Variants in EXT1 observed in about 807,000 individuals in gnomAD.
EXT1 encodes exostosin glycosyltransferase 1.
EXT1 carries 20 observed loss-of-function variants against 82.5 expected under a neutral mutation model. The observed-to-expected ratio is 0.24, with a 90% CI of 0.17 to 0.35. The LOEUF (loss-of-function observed/expected upper bound fraction) is 0.35, where lower values mean the gene tolerates loss of function less well. EXT1 is among the 10% of genes least tolerant of loss of function. The pLI is 1.00. For missense variants in EXT1, 757 were observed against 936.5 expected, an observed-to-expected ratio of 0.81 and a Z score of 2.50; for synonymous variants, 348 against 350.8, an observed-to-expected ratio of 0.99 and a Z score of 0.09.
At chr8:117,995,232 C>T (rs981174254) in intron 1 of EXT1, among the ~76,000 whole-genome samples, 4 of 152,202 alleles carry the variant, frequency 2.6e-5, no homozygotes, top group African/African-American at 9.7e-5. Flanking sequence ...CACTCTAGCT[C>T]AGCAACCCAG....
At chr8:117,849,483 G>A (rs890110297) in intron 1 of EXT1, among the ~76,000 whole-genome samples, 1 of 152,214 alleles carries the variant, frequency 6.6e-6, no homozygotes, top group Non-Finnish European at 1.5e-5. Context: ...GTCATAAAGT[G>A]TCTGAACTGC....
Position 117,975,635 on chromosome 8 carries a change from C to A in EXT1, c.962+134450G>T, listed in dbSNP as rs567346440. Reference sequence around the variant, plus strand: ...CCTTCCTCCCCTCTAACATGCGGGGCAATGCTTGCTTAAAGGACATTGCAA... The same window carrying A: ...CCTTCCTCCCCTCTAACATGCGGGGAAATGCTTGCTTAAAGGACATTGCAA... On this transcript the variant is annotated intron_variant, in intron 1 of 10. Coordinates refer to ENST00000378204, the MANE Select transcript of EXT1 (RefSeq NM_000127.3). 2.5e-4 allele frequency among the ~76,000 whole-genome samples: 38 copies of A among 152,268 alleles called. No homozygotes were observed. In the South Asian group the frequency reaches 7.7e-3, roughly 31 times the overall value.
intron 1 of EXT1, among the ~76,000 whole-genome samples, chr8:117,880,719 T>G (rs1281258724): frequency 6.6e-6 from 1 of 151,464 alleles, no homozygotes; most frequent in African/African-American, 2.4e-5. Flanking sequence ...GCCTCCCGAG[T>G]AGGTGGGACT....
chr8:117,861,360 A>G (rs1158380110), intron 1 of EXT1, among the ~76,000 whole-genome samples: 1 of 152,254 alleles, frequency 6.6e-6, no homozygotes, highest in Non-Finnish European at 1.5e-5. Flanking sequence ...ATTATGTTTA[A>G]GTAAGCCAAT....
chr8:117,961,665 T>C (rs1347457000), intron 1 of EXT1, among the ~76,000 whole-genome samples: 2 of 152,256 alleles, frequency 1.3e-5, no homozygotes, highest in Non-Finnish European at 2.9e-5. Flanking sequence ...GATTCAGCTA[T>C]ATGCTGTTAA....
chr8:118,057,740 G>A (rs59103602), intron 1 of EXT1, among the ~76,000 whole-genome samples: 7,784 of 151,820 alleles, frequency 0.051, 634 homozygotes, highest in African/African-American at 0.18. Context: ...TTGGGAGGCC[G>A]AGGCGGGAGG....
At chr8:117,902,275 G>C (rs1218334020) in intron 1 of EXT1, among the ~76,000 whole-genome samples, 1 of 152,040 alleles carries the variant, frequency 6.6e-6, no homozygotes, top group Non-Finnish European at 1.5e-5. Context: ...TAAGTAGAAT[G>C]AGTGCACTCT....
At chr8:117,902,449 C>T (rs375547261) in intron 1 of EXT1, among the ~76,000 whole-genome samples, 5 of 152,264 alleles carry the variant, frequency 3.3e-5, no homozygotes, top group Middle Eastern at 3.4e-3. Flanking sequence ...ACCACAAATG[C>T]GTGAGTAATG....
At chr8:118,033,696 T>C (rs1470596901) in intron 1 of EXT1, among the ~76,000 whole-genome samples, 1 of 151,940 alleles carries the variant, frequency 6.6e-6, no homozygotes, top group Non-Finnish European at 1.5e-5. Flanking sequence ...CCCTGATTGG[T>C]CTCCAACTCC....
rs150689136 is a variant in EXT1 at position 117,913,991 on chromosome 8, C to T, written c.963-76790G>A. Among the ~76,000 whole-genome samples, 210 of 152,270 alleles carry T rather than the reference C, an allele frequency of 1.4e-3. 1 individual carries two copies. The highest frequency in any genetic ancestry group is 4.9e-3 in the African/African-American group (202 of 41,554). On this transcript the variant is annotated intron_variant, in intron 1 of 10. Transcript: ENST00000378204. ...AGCTGTGTCAACATTAAAGCTGGGA[C>T]TGGACTTCCAATCTGAGGACCCAGA... is the stretch of plus-strand genomic sequence containing the variant.
intron 1 of EXT1, among the ~76,000 whole-genome samples, chr8:117,902,838 C>T (rs537597415): frequency 6.6e-6 from 1 of 152,280 alleles, no homozygotes; most frequent in Admixed American, 6.5e-5. Flanking sequence ...GAATCCTTAT[C>T]GTTGTCAGAC....
intron 1 of EXT1, among the ~76,000 whole-genome samples, chr8:118,029,880 A>T (rs1816276327): frequency 6.6e-6 from 1 of 152,198 alleles, no homozygotes. Flanking sequence ...ATATTTTCCC[A>T]CAAGTATTTG....
intron 9 of EXT1, 52 bp downstream of exon 9, chr8:117,807,165 C>A (rs1038758005): frequency 2.4e-5 from 39 of 1,607,746 alleles, no homozygotes; most frequent in South Asian, 5.5e-5. Flanking sequence ...TATGCAGCAG[C>A]CAATATAAAA....
chr8:118,047,359 A>G (rs1816639070), intron 1 of EXT1, among the ~76,000 whole-genome samples: 1 of 152,202 alleles, frequency 6.6e-6, no homozygotes, highest in Non-Finnish European at 1.5e-5. Context: ...CCTTTCGTGT[A>G]AAATGGAAAT....
At chr8:117,919,894 C>T (rs925118451) in intron 1 of EXT1, among the ~76,000 whole-genome samples, 4 of 152,090 alleles carry the variant, frequency 2.6e-5, no homozygotes, top group South Asian at 2.1e-4. Context: ...TCAGATAATA[C>T]ATTACAAACA....
intron 1 of EXT1, among the ~76,000 whole-genome samples, chr8:117,869,619 A>C (rs1402081874): frequency 6.7e-6 from 1 of 150,194 alleles, no homozygotes; most frequent in African/African-American, 2.4e-5. Context: ...CATTCTCAAT[A>C]TAACTTATCA....
chr8:117,841,520 T>C (rs1206688960), intron 1 of EXT1, among the ~76,000 whole-genome samples: 1 of 152,134 alleles, frequency 6.6e-6, no homozygotes. Flanking sequence ...CACACACTAC[T>C]TAAAAGAAAC....
rs756241676 is a variant in EXT1, at chr8:118,110,043, C to A, written c.962+42G>T. 1.4e-5 allele frequency: 23 copies of A among 1,612,664 alleles called. No individual in the cohort carries two copies. In the East Asian group the frequency reaches 4.9e-4, roughly 34 times the overall value. On this transcript the variant is annotated intron_variant, in intron 1 of 10. Transcript: ENST00000378204. ...CACACCTGGACCAAGGCCGGCAGAG[C>A]CCAAGGCTGACTCCCAAAGACACGC...
chr8:117,817,396 T>C (rs767654692), intron 7 of EXT1, among the ~76,000 whole-genome samples: 6 of 152,152 alleles, frequency 3.9e-5, no homozygotes, highest in Non-Finnish European at 7.3e-5. Flanking sequence ...GCCACTCTCT[T>C]ATGACCTGAC....
Sources: gnomAD v4.1 joint callset for allele counts (sites outside exome capture counted in the v4.1 genomes callset) on GRCh38, gnomAD v4.1.1 for gene constraint, MANE v1.5 for transcripts, NCBI Gene and HGNC (gene_info 2026-07-23, HGNC 2026-07-21) for gene names.